Variants in UGT2A1 observed in about 807,000 individuals in gnomAD.
The protein encoded by UGT2A1 is UDP-glucuronosyltransferase 2A1.
UGT2A1 carries 61 observed loss-of-function variants against 45.4 expected under a neutral mutation model. That is an observed-to-expected ratio of 1.34 (90% CI 1.09 to 1.66). The LOEUF (loss-of-function observed/expected upper bound fraction) is 1.66. Among genes scored for constraint, UGT2A1 ranks in the 40% most tolerant of loss-of-function variants. The probability of loss-of-function intolerance (pLI) is 0.00; values close to 1 mark genes in which losing one functional copy is unlikely to be tolerated. For synonymous variants in UGT2A1, 229 were observed against 196.2 expected (o/e 1.17, Z -1.40); for missense variants, 649 against 574.3 (o/e 1.13, Z -1.33).
intron 4 of UGT2A1, 106 bp downstream of exon 4, chr4:69,599,140 C>T: frequency 2.8e-6 from 4 of 1,418,930 alleles, no homozygotes; most frequent in Non-Finnish European, 3.7e-6. Flanking sequence ...GAGTAGCAAA[C>T]TGAAATGTCC....
intron 3 of UGT2A1, among the ~76,000 whole-genome samples, chr4:69,614,347 C>G (rs990310681): frequency 4.6e-5 from 7 of 151,922 alleles, no homozygotes; most frequent in African/African-American, 9.7e-5. Context: ...AAAATGTTTT[C>G]TGTTCATAGA....
In UGT2A1 at chr4:69,653,201, G is replaced by C. The variant is rs532539246; in HGVS notation, c.-68C>G. 1.3e-4 allele frequency: 20 copies of C among 152,158 alleles called. No individual in the cohort carries two copies. In the East Asian group the frequency reaches 1.4e-3, roughly 10 times the overall value. 9.4% of individuals were successfully genotyped at this position (152,158 alleles called of 1,614,324 possible). The stretch of plus-strand genomic sequence containing the variant: ...CTAGTTTCTTACCTGAAGTTTCCTG[G>C]AGGAACTTTAACAGCACTCATTTGA... On this transcript the variant is annotated 5_prime_UTR_variant, in exon 1 of 7. Transcript: ENST00000286604.
At chr4:69,638,901 A>G in intron 2 of UGT2A1, 1 of 1,574,952 alleles carries the variant, frequency 6.3e-7, no homozygotes, top group Non-Finnish European at 8.6e-7. Flanking sequence ...AGACTTACCT[A>G]AAATTTTGCT....
intron 4 of UGT2A1, chr4:69,596,241 T>C: frequency 6.5e-7 from 1 of 1,541,198 alleles, no homozygotes; most frequent in Non-Finnish European, 8.7e-7. Context: ...GATTCCAGGC[T>C]GTACTGACCT....
chr4:69,592,869 T>C (rs1457781754), intron 6 of UGT2A1, among the ~76,000 whole-genome samples: 4 of 152,076 alleles, frequency 2.6e-5, no homozygotes, highest in Non-Finnish European at 5.9e-5. Context: ...TTAACATTGT[T>C]GTAAAGACAC....
Position 69,588,681 on chromosome 4 carries a change from A to T in UGT2A1, c.*691T>A, listed in dbSNP as rs1315385385. ...TTGAAATAAAAGAGTCGATTGATTG[A>T]TTTATTAAAGACAGTACCCAAATCT... On this transcript the variant is annotated 3_prime_UTR_variant, in exon 7 of 7. Coordinates refer to ENST00000286604, the MANE Select transcript of UGT2A1 (RefSeq NM_001252275.3). The T allele has an allele frequency of 6.6e-6, 1 of 152,086 alleles. No homozygotes were observed. Among genetic ancestry groups the T allele is most frequent in the Non-Finnish European group, 1.5e-5 (1 of 67,996 alleles). 9.4% of individuals were successfully genotyped at this position (152,086 alleles called of 1,614,324 possible). A position where few individuals can be genotyped will look rare whatever the true frequency, so the allele number is the denominator to read the frequency against.
Position 69,632,879 on chromosome 4 carries a change from C to T in UGT2A1, c.847+2812G>A, listed in dbSNP as rs559978605. ...ATCCAGCCTGAGCGACAGTGCAAGA[C>T]TCGGTCAAAAAAAAAAAAAAAAGTA... On this transcript the variant is annotated intron_variant, in intron 3 of 6. Transcript: ENST00000286604. Among the ~76,000 whole-genome samples the T allele has an allele frequency of 2.7e-5, 4 of 146,476 alleles. No individual in the cohort carries two copies. The South Asian group carries it at 8.6e-4, about 32-fold the overall frequency.
intron 3 of UGT2A1, among the ~76,000 whole-genome samples, chr4:69,621,765 C>T (rs1461466237): frequency 1.3e-5 from 2 of 151,718 alleles, no homozygotes; most frequent in Non-Finnish European, 1.5e-5. Context: ...TGCCTATCAA[C>T]GACAGATTGG....
chr4:69,651,747 G>A (rs111575143), intron 1 of UGT2A1, among the ~76,000 whole-genome samples: 28 of 152,138 alleles, frequency 1.8e-4, no homozygotes, highest in Admixed American at 6.5e-5. Flanking sequence ...GCCTGGGCAC[G>A]TGCATTAAGA....
At chr4:69,591,596 C>A (rs1240704087) in intron 6 of UGT2A1, among the ~76,000 whole-genome samples, 1 of 152,082 alleles carries the variant, frequency 6.6e-6, no homozygotes, top group Non-Finnish European at 1.5e-5. Flanking sequence ...TATACTAAGG[C>A]ATATTTGACC....
intron 3 of UGT2A1, among the ~76,000 whole-genome samples, chr4:69,612,857 C>T (rs79373788): frequency 0.18 from 27,151 of 146,786 alleles, 2,812 homozygotes; most frequent in Non-Finnish European, 0.24. Flanking sequence ...GCAATTGCAA[C>T]TGAAACAAAA....
chr4:69,604,617 C>G (rs965755081), intron 3 of UGT2A1, among the ~76,000 whole-genome samples: 1 of 136,804 alleles, frequency 7.3e-6, no homozygotes, highest in Non-Finnish European at 1.6e-5. Context: ...TTAAAAGACA[C>G]AGACTGGCAA....
chr4:69,631,300 G>C (rs145499895), intron 3 of UGT2A1, among the ~76,000 whole-genome samples: 11 of 115,156 alleles, frequency 9.6e-5, no homozygotes, highest in African/African-American at 3.1e-4. Context: ...TTGTCAAAGA[G>C]AGAGTTACTT....
chr4:69,650,201 T>TA (rs577694261), intron 1 of UGT2A1, among the ~76,000 whole-genome samples: 147 of 152,256 alleles, frequency 9.7e-4, no homozygotes, highest in African/African-American at 3.4e-3. Flanking sequence ...ATACCTCAGA[T>TA]AGGGAGACTG....
chr4:69,614,061 T>A (rs767257657), intron 3 of UGT2A1, among the ~76,000 whole-genome samples: 3 of 151,966 alleles, frequency 2.0e-5, no homozygotes, highest in Non-Finnish European at 2.9e-5. Context: ...AAAAATATGA[T>A]CTTGTATCTA....
intron 1 of UGT2A1, among the ~76,000 whole-genome samples, chr4:69,649,855 A>G (rs1013712613): frequency 2.0e-5 from 3 of 152,108 alleles, no homozygotes; most frequent in Non-Finnish European, 4.4e-5. Flanking sequence ...GGAAAAGTCC[A>G]TCTCCTGACA....
chr4:69,597,813 T>C (rs1441262253), intron 4 of UGT2A1, among the ~76,000 whole-genome samples: 1 of 152,152 alleles, frequency 6.6e-6, no homozygotes, highest in Non-Finnish European at 1.5e-5. Context: ...TTGTTGTTTT[T>C]GTATTCTGTG....
Position 69,638,969 on chromosome 4 carries a change from A to G in UGT2A1, c.716-3147T>C, listed in dbSNP as rs573164905. The G allele has an allele frequency of 1.1e-4, 183 of 1,613,046 alleles. 3 individuals carry two copies. In the South Asian group the frequency reaches 1.9e-3, roughly 17 times the overall value. On this transcript the variant is annotated intron_variant, in intron 2 of 6. Transcript: ENST00000286604. ...GAAATATATAGTCTTGCAGAGAATA[A>G]GATATGGTATTTTTAATCCTTTCAC... is the stretch of plus-strand genomic sequence containing the variant.
At chr4:69,600,993 CA>C (rs1245277618) in intron 3 of UGT2A1, among the ~76,000 whole-genome samples, 3 of 152,044 alleles carry the variant, frequency 2.0e-5, no homozygotes, top group African/African-American at 7.2e-5. Context: ...AGATCTAAAC[CA>C]TCTCAGTGGG....
Sources: gnomAD v4.1 joint callset for allele counts (sites outside exome capture counted in the v4.1 genomes callset) on GRCh38, gnomAD v4.1.1 for gene constraint, MANE v1.5 for transcripts, NCBI Gene and HGNC (gene_info 2026-07-23, HGNC 2026-07-21) for gene names.